Variants in FBXW8 observed in about 807,000 individuals in gnomAD.
The protein encoded by FBXW8 is F-box/WD repeat-containing protein 8.
FBXW8 carries 57 observed loss-of-function variants against 65.3 expected under a neutral mutation model. That is an observed-to-expected ratio of 0.87 (90% CI 0.71 to 1.09). FBXW8 has a LOEUF of 1.09. Ranked by LOEUF, FBXW8 falls within the 50% of genes least tolerant of loss-of-function variation. FBXW8 has a pLI of 0.00. For synonymous variants in FBXW8, 308 were observed against 330.2 expected (o/e 0.93, Z 0.73); for missense variants, 777 against 814.8 (o/e 0.95, Z 0.57).
chr12:116,965,555 C>G (rs888678362), intron 5 of FBXW8, among the ~76,000 whole-genome samples: 3 of 152,162 alleles, frequency 2.0e-5, no homozygotes, highest in African/African-American at 7.2e-5. Flanking sequence ...TGAATCTCCA[C>G]AAGCTTCATG....
chr12:116,912,441 G>A (rs1028677140), intron 1 of FBXW8, among the ~76,000 whole-genome samples: 63 of 145,176 alleles, frequency 4.3e-4, no homozygotes, highest in African/African-American at 1.5e-3. Flanking sequence ...CCTCCCAATT[G>A]AGAATCATTC....
intron 7 of FBXW8, among the ~76,000 whole-genome samples, chr12:117,000,405 T>C (rs1022859203): frequency 6.6e-6 from 1 of 152,248 alleles, no homozygotes; most frequent in Non-Finnish European, 1.5e-5. Context: ...AGTTCTTCGT[T>C]AGCCTGAAAG....
intron 5 of FBXW8, chr12:116,977,846 A>G (rs1419859652): frequency 6.6e-6 from 1 of 152,244 alleles, no homozygotes; most frequent in African/African-American, 2.4e-5. Flanking sequence ...CATAGTCTTA[A>G]CAATATACTA....
At chr12:116,976,177 A>G (rs1884915243) in intron 5 of FBXW8, among the ~76,000 whole-genome samples, 1 of 152,212 alleles carries the variant, frequency 6.6e-6, no homozygotes, top group Admixed American at 6.5e-5. Context: ...TAGCAATTTA[A>G]TGCCATTTAA....
chr12:116,956,963 A>G (rs1883685843), intron 4 of FBXW8, among the ~76,000 whole-genome samples: 1 of 152,018 alleles, frequency 6.6e-6, no homozygotes, highest in Admixed American at 6.5e-5. Flanking sequence ...GTGAGACTCC[A>G]TCTCCAAAAA....
intron 5 of FBXW8, among the ~76,000 whole-genome samples, chr12:116,967,359 C>T (rs1386640038): frequency 6.6e-6 from 1 of 152,198 alleles, no homozygotes; most frequent in African/African-American, 2.4e-5. Flanking sequence ...AAGCAATATA[C>T]TTGAACAAAT....
intron 2 of FBXW8, 123 bp from the exon 3 acceptor site, chr12:116,945,241 T>A: frequency 1.1e-6 from 1 of 886,780 alleles, no homozygotes; most frequent in Non-Finnish European, 1.7e-6. Flanking sequence ...TAGTGTTTTG[T>A]TAATGAGACA....
chr12:117,022,934 C>G (rs999137231), intron 8 of FBXW8, among the ~76,000 whole-genome samples: 11 of 152,216 alleles, frequency 7.2e-5, no homozygotes, highest in African/African-American at 2.7e-4. Context: ...CTGTGTGCCT[C>G]CATGGACCCA....
In FBXW8 at chr12:116,940,080, G is replaced by A. The variant is rs898299259; in HGVS notation, c.424-5284G>A. ...ATCAGATGAGAGCTTGTTTTCCTGAGCCCTTAAGGCTAAGATGGAGAAGTG... is the reference window on the plus strand; with the variant it reads ...ATCAGATGAGAGCTTGTTTTCCTGAACCCTTAAGGCTAAGATGGAGAAGTG... On this transcript the variant is annotated intron_variant, in intron 2 of 10. Transcript: ENST00000652555. 2.6e-5 allele frequency among the ~76,000 whole-genome samples: 4 copies of A among 152,320 alleles called. No homozygotes were observed. In the East Asian group the frequency reaches 7.7e-4, roughly 29 times the overall value.
At chr12:116,998,556 G>A (rs1024009565) in intron 7 of FBXW8, among the ~76,000 whole-genome samples, 3 of 152,168 alleles carry the variant, frequency 2.0e-5, no homozygotes, top group African/African-American at 7.2e-5. Flanking sequence ...TGAACTTAGC[G>A]CTAACTCCAT....
At chr12:117,017,337 A>G (rs1344615928) in intron 8 of FBXW8, among the ~76,000 whole-genome samples, 1 of 152,232 alleles carries the variant, frequency 6.6e-6, no homozygotes, top group Non-Finnish European at 1.5e-5. Flanking sequence ...AGTCAGTCCG[A>G]AGGGCTTGTT....
At chr12:116,982,447 G>A (rs1056525635) in intron 5 of FBXW8, among the ~76,000 whole-genome samples, 3 of 152,120 alleles carry the variant, frequency 2.0e-5, no homozygotes, top group Non-Finnish European at 4.4e-5. Flanking sequence ...AATCCTAAAT[G>A]ATTTTGCACC....
intron 5 of FBXW8, among the ~76,000 whole-genome samples, chr12:116,966,909 G>C (rs1347246694): frequency 6.6e-6 from 1 of 152,024 alleles, no homozygotes; most frequent in African/African-American, 2.4e-5. Flanking sequence ...ACTAGAGACG[G>C]GGTTTCACCA....
chr12:116,988,991 G>A, intron 7 of FBXW8, 122 bp downstream of exon 7: 5 of 883,304 alleles, frequency 5.7e-6, no homozygotes, highest in Admixed American at 2.9e-5. Context: ...ATATAAGCAT[G>A]GTCAAAAAAT....
chr12:116,964,965 A>G, intron 5 of FBXW8, 111 bp downstream of exon 5: 1 of 1,103,954 alleles, frequency 9.1e-7, no homozygotes. Flanking sequence ...ACGTGGGCAC[A>G]CACACATGTT....
intron 5 of FBXW8, among the ~76,000 whole-genome samples, chr12:116,974,541 G>C (rs1884810299): frequency 6.6e-6 from 1 of 152,218 alleles, no homozygotes; most frequent in Non-Finnish European, 1.5e-5. Context: ...TCTTAATTTT[G>C]CATCAGAATA....
intron 1 of FBXW8, among the ~76,000 whole-genome samples, chr12:116,924,665 A>G (rs1489721134): frequency 6.6e-6 from 1 of 152,162 alleles, no homozygotes; most frequent in East Asian, 1.9e-4. Flanking sequence ...ACCCAATCAG[A>G]GTGCCTAAGA....
At chr12:116,924,600 C>T (rs1463763123) in intron 1 of FBXW8, among the ~76,000 whole-genome samples, 1 of 152,130 alleles carries the variant, frequency 6.6e-6, no homozygotes, top group Non-Finnish European at 1.5e-5. Context: ...AGGTATTTCT[C>T]TGCACACTAG....
chr12:117,026,959 T>TG (rs1404168046), intron 9 of FBXW8, among the ~76,000 whole-genome samples: 2 of 152,174 alleles, frequency 1.3e-5, no homozygotes, highest in Non-Finnish European at 2.9e-5. Context: ...GAGCAGGATG[T>TG]GGGGGGCACC....
Sources: gnomAD v4.1 joint callset for allele counts (sites outside exome capture counted in the v4.1 genomes callset) on GRCh38, gnomAD v4.1.1 for gene constraint, MANE v1.5 for transcripts, NCBI Gene and HGNC (gene_info 2026-07-23, HGNC 2026-07-21) for gene names.